Variants in CLIC5 observed in about 807,000 individuals in gnomAD.
CLIC5 encodes chloride intracellular channel protein 5.
In CLIC5, 20 loss-of-function variants were observed where a neutral mutation model predicts 24.7. The ratio of observed to expected loss-of-function variants is 0.81; its 90% CI spans 0.57 to 1.18. The LOEUF is 1.18. Among genes scored for constraint, CLIC5 ranks in the 50% most tolerant of loss-of-function variants. The probability of loss-of-function intolerance (pLI) is 0.00; values close to 1 mark genes in which losing one functional copy is unlikely to be tolerated. For missense variants in CLIC5, 341 were observed against 326.1 expected (o/e 1.05, Z -0.35); for synonymous variants, 159 against 135.6 (o/e 1.17, Z -1.20).
At chr6:45,913,024 C>T (rs1482705191) in intron 5 of CLIC5, among the ~76,000 whole-genome samples, 2 of 152,152 alleles carry the variant, frequency 1.3e-5, no homozygotes, top group Non-Finnish European at 2.9e-5. Flanking sequence ...TGACTCGGGA[C>T]TTGAGCTGAA....
At chr6:45,911,588 C>T (rs1207560527) in intron 5 of CLIC5, 6 of 984,614 alleles carry the variant, frequency 6.1e-6, no homozygotes, top group African/African-American at 1.7e-5. Flanking sequence ...AAGTATTTTT[C>T]ACAGTGACAC....
At chr6:46,004,702 A>G (rs1766486248) in intron 1 of CLIC5, among the ~76,000 whole-genome samples, 1 of 152,222 alleles carries the variant, frequency 6.6e-6, no homozygotes, top group African/African-American at 2.4e-5. Flanking sequence ...ACTTCATAAT[A>G]ATAATCCTGC....
At chr6:46,007,426 C>T (rs1033285090) in intron 1 of CLIC5, among the ~76,000 whole-genome samples, 1 of 152,192 alleles carries the variant, frequency 6.6e-6, no homozygotes, top group African/African-American at 2.4e-5. Context: ...CTAATATACA[C>T]TATTTGCACA....
chr6:46,016,315 C>T (rs191853576), upstream of CLIC5, among the ~76,000 whole-genome samples: 7 of 152,218 alleles, frequency 4.6e-5, no homozygotes, highest in African/African-American at 1.7e-4. Flanking sequence ...CCAGCCTTAC[C>T]CACTTGGAAA....
chr6:45,981,997 CAA>C (rs199678716), intron 1 of CLIC5, among the ~76,000 whole-genome samples: 2 of 133,668 alleles, frequency 1.5e-5, no homozygotes, highest in East Asian at 2.2e-4. Flanking sequence ...GACTCCATCT[CAA>C]AAAAAAAAAA....
chr6:45,885,004 C>CAAAAAAA (rs368245450), intron 6 of CLIC5, among the ~76,000 whole-genome samples: 1 of 75,936 alleles, frequency 1.3e-5, no homozygotes. Context: ...CATCAAGGGC[C>CAAAAAAA]AAAAAAAAAA....
At chr6:45,921,133 C>T (rs140088245) in intron 4 of CLIC5, among the ~76,000 whole-genome samples, 21 of 152,220 alleles carry the variant, frequency 1.4e-4, no homozygotes, top group Middle Eastern at 3.4e-3. Context: ...TTTTCTCATC[C>T]GCAGTGACCT....
At chr6:46,013,187 T>C (rs973957695) in intron 1 of CLIC5, among the ~76,000 whole-genome samples, 9 of 152,212 alleles carry the variant, frequency 5.9e-5, no homozygotes, top group African/African-American at 2.2e-4. Context: ...CCATCCTTCT[T>C]GGAAGTCTTC....
chr6:45,923,872 A>T (rs1037378265), intron 4 of CLIC5, among the ~76,000 whole-genome samples: 1 of 152,186 alleles, frequency 6.6e-6, no homozygotes, highest in African/African-American at 2.4e-5. Context: ...TGGGGTCCTG[A>T]CCCTGACACA....
chr6:45,942,642 C>T (rs1764171805), intron 3 of CLIC5, among the ~76,000 whole-genome samples: 2 of 152,300 alleles, frequency 1.3e-5, no homozygotes, highest in East Asian at 1.9e-4. Flanking sequence ...AAAGCAAAAT[C>T]CTTTTTGTTT....
chr6:45,937,775 G>C (rs3822886), intron 4 of CLIC5, among the ~76,000 whole-genome samples: 12,828 of 152,176 alleles, frequency 0.084, 1,146 homozygotes, highest in East Asian at 0.37. Context: ...AGTACTGCTG[G>C]GATGGCTCCC....
intron 1 of CLIC5, among the ~76,000 whole-genome samples, chr6:46,031,822 A>T (rs1474979098): frequency 6.6e-6 from 1 of 150,722 alleles, no homozygotes. Context: ...ACTATGAAAG[A>T]GTGCATATAG....
At chr6:45,957,600 G>C (rs1338776333) in intron 1 of CLIC5, among the ~76,000 whole-genome samples, 1 of 152,142 alleles carries the variant, frequency 6.6e-6, no homozygotes, top group African/African-American at 2.4e-5. Context: ...CAGGAGCATA[G>C]GGCATGGTAT....
At position 46,015,587 on chromosome 6, in the gene CLIC5, C is replaced by T; in HGVS notation, c.-45G>A. 1 of 1,536,646 alleles carries T rather than the reference C, an allele frequency of 6.5e-7. No homozygotes were observed. Among genetic ancestry groups the T allele is most frequent in the African/African-American group, 1.4e-5 (1 of 71,498 alleles). ...ACCGTCCCGGGCCGGGGAGGCGCCACCTCTGCAGCACCTGGGCCAGCACTC... is the reference window on the plus strand; with the variant it reads ...ACCGTCCCGGGCCGGGGAGGCGCCATCTCTGCAGCACCTGGGCCAGCACTC... On this transcript the variant is annotated 5_prime_UTR_variant, in exon 1 of 6. It adds an upstream start codon to the 5' untranslated region. Transcript: ENST00000339561.
At chr6:46,020,181 A>G (rs1241085464), upstream of CLIC5, among the ~76,000 whole-genome samples, 4 of 152,220 alleles carry the variant, frequency 2.6e-5, no homozygotes, top group East Asian at 5.8e-4. Context: ...ATTCTGGGTC[A>G]CAGAACAAAC....
chr6:46,084,071 T>C (rs548773480), upstream of CLIC5, among the ~76,000 whole-genome samples: 1 of 152,326 alleles, frequency 6.6e-6, no homozygotes, highest in African/African-American at 2.4e-5. Context: ...GTTTAAAGTC[T>C]GTTTTATCAG....
At chr6:45,972,129 G>T (rs1461244309) in intron 1 of CLIC5, among the ~76,000 whole-genome samples, 1 of 152,172 alleles carries the variant, frequency 6.6e-6, no homozygotes, top group African/African-American at 2.4e-5. Context: ...AGTAGAGTAT[G>T]GGTATCAAGG....
chr6:46,085,323 G>A (rs546255569), upstream of CLIC5, among the ~76,000 whole-genome samples: 15 of 152,330 alleles, frequency 9.8e-5, no homozygotes, highest in African/African-American at 3.6e-4. Context: ...CTGAGGAACT[G>A]CGTTCCTTTG....
At chr6:45,986,457 T>G (rs550366571) in intron 1 of CLIC5, among the ~76,000 whole-genome samples, 1 of 152,300 alleles carries the variant, frequency 6.6e-6, no homozygotes, top group Non-Finnish European at 1.5e-5. Flanking sequence ...GAAAGGACAT[T>G]GTAGCCTAAG....
Sources: gnomAD v4.1 joint callset for allele counts (sites outside exome capture counted in the v4.1 genomes callset) on GRCh38, gnomAD v4.1.1 for gene constraint, MANE v1.5 for transcripts, NCBI Gene and HGNC (gene_info 2026-07-23, HGNC 2026-07-21) for gene names.